Variants in AFF1 observed in about 807,000 individuals in gnomAD.
AFF1 encodes ALF transcription elongation factor 1, also known as AF4/FMR2 family member 1.
In AFF1, 48 loss-of-function variants were observed where a neutral mutation model predicts 121.7. The ratio of observed to expected loss-of-function variants is 0.39; its 90% CI spans 0.31 to 0.50. AFF1 has a LOEUF of 0.50. Among genes scored for constraint, AFF1 ranks in the 20% least tolerant of loss-of-function variants. AFF1 has a pLI of 0.76. For missense variants in AFF1, 1,523 were observed against 1,511.7 expected (o/e 1.01, Z -0.12); for synonymous variants, 613 against 563.0 (o/e 1.09, Z -1.26).
At chr4:87,096,389 G>A (rs1389326481) in intron 8 of AFF1, among the ~76,000 whole-genome samples, 7 of 124,770 alleles carry the variant, frequency 5.6e-5, no homozygotes, top group Non-Finnish European at 9.8e-5. Flanking sequence ...GACACACCCG[G>A]CTTTTTTTTT....
intron 13 of AFF1, 23 bp from the exon 14 acceptor site, chr4:87,126,076 T>A: frequency 6.2e-7 from 1 of 1,610,476 alleles, no homozygotes; most frequent in Non-Finnish European, 8.5e-7. Context: ...CTCCTCTTAG[T>A]TTTACGTGAT....
In AFF1 at chr4:87,137,696, G is replaced by C. The variant is rs897331318; in HGVS notation, c.*1995G>C. 1 of 232,606 alleles carries C rather than the reference G, an allele frequency of 4.3e-6. No individual in the cohort carries two copies. The highest frequency in any genetic ancestry group is 8.5e-6 in the Non-Finnish European group (1 of 117,716). 14.4% of individuals were successfully genotyped at this position (232,606 alleles called of 1,614,324 possible). On this transcript the variant is annotated 3_prime_UTR_variant, in exon 21 of 21. Coordinates refer to ENST00000395146, the MANE Select transcript of AFF1 (RefSeq NM_001166693.3). ...AGTAATTGCCTGGTAGGTTTGGTGT[G>C]TGTGTAGCATTGTGTGTCCATCTGT... is the stretch of plus-strand genomic sequence containing the variant.
chr4:87,027,655 A>G (rs1728652692), intron 2 of AFF1, among the ~76,000 whole-genome samples: 1 of 152,190 alleles, frequency 6.6e-6, no homozygotes, highest in African/African-American at 2.4e-5. Flanking sequence ...ATTTTCAAAC[A>G]TTCAGAAAAG....
Position 87,114,742 on chromosome 4 carries a change from C to T in AFF1, c.1909C>T (p.Leu637Phe). The T allele has an allele frequency of 1.2e-6, 2 of 1,613,908 alleles. No individual in the cohort carries two copies. The highest frequency in any genetic ancestry group is 1.7e-6 in the Non-Finnish European group (2 of 1,179,958). The change falls in exon 12 of 21, where the codon CTT (leucine) becomes TTT (phenylalanine). Residue 637 changes from leucine to phenylalanine, a missense_variant. By Grantham distance (22) the Leu-to-Phe change is conservative. Transcript: ENST00000395146. The part of the protein sequence containing the change: ...SLQGEREPGL[L>F]PYGSRDQTSK... ...GCAGGGGGAAAGGGAGCCAGGGCTT[C>T]TTCCCTATGGCTCCCGAGACCAGAC...
At chr4:87,009,967 A>G (rs1188023427) in intron 2 of AFF1, among the ~76,000 whole-genome samples, 1 of 152,192 alleles carries the variant, frequency 6.6e-6, no homozygotes, top group Non-Finnish European at 1.5e-5. Context: ...TTCATTGTTT[A>G]GTTTGATTCC....
At chr4:87,018,600 C>T (rs1167832700) in intron 2 of AFF1, among the ~76,000 whole-genome samples, 1 of 152,142 alleles carries the variant, frequency 6.6e-6, no homozygotes, top group African/African-American at 2.4e-5. Flanking sequence ...ACTGCAACCT[C>T]CAAGGATGGC....
intron 8 of AFF1, among the ~76,000 whole-genome samples, chr4:87,095,953 AG>A (rs1489991884): frequency 6.7e-6 from 1 of 150,086 alleles, no homozygotes; most frequent in Non-Finnish European, 1.5e-5. Flanking sequence ...CTTTAGTTTT[AG>A]GCACAATATT....
intron 2 of AFF1, among the ~76,000 whole-genome samples, chr4:87,029,864 G>C (rs1197147859): frequency 6.6e-6 from 1 of 152,186 alleles, no homozygotes; most frequent in Non-Finnish European, 1.5e-5. Context: ...TGGAGATGGG[G>C]AAGAGTCCTG....
At chr4:87,001,454 G>A (rs1456727175) in intron 2 of AFF1, among the ~76,000 whole-genome samples, 1 of 151,984 alleles carries the variant, frequency 6.6e-6, no homozygotes, top group East Asian at 1.9e-4. Flanking sequence ...CTGACCTCGT[G>A]ATCCACCCGC....
At chr4:87,060,283 G>A (rs1289597790) in intron 4 of AFF1, among the ~76,000 whole-genome samples, 5 of 152,098 alleles carry the variant, frequency 3.3e-5, no homozygotes, top group Admixed American at 3.3e-4. Flanking sequence ...ATAAAAGTTG[G>A]AAGTTTTATG....
intron 4 of AFF1, among the ~76,000 whole-genome samples, chr4:87,057,637 G>C (rs1350830291): frequency 6.6e-6 from 1 of 152,150 alleles, no homozygotes; most frequent in Non-Finnish European, 1.5e-5. Context: ...GGGAATTAGT[G>C]ATGTTGGGGA....
At chr4:87,068,601 A>G (rs1204744916) in intron 4 of AFF1, among the ~76,000 whole-genome samples, 2 of 152,370 alleles carry the variant, frequency 1.3e-5, no homozygotes, top group South Asian at 2.1e-4. Context: ...AACTACGCAC[A>G]TGGTGCTTTG....
intron 2 of AFF1, among the ~76,000 whole-genome samples, chr4:86,951,682 G>A (rs748241692): frequency 7.3e-6 from 1 of 137,186 alleles, no homozygotes; most frequent in African/African-American, 2.9e-5. Flanking sequence ...AAGTGCAGTG[G>A]CATGATCTTG....
chr4:87,063,643 T>C lies in AFF1; in HGVS notation c.1059+16049T>C, dbSNP rs114110109. On this transcript the variant is annotated intron_variant, in intron 4 of 20. Coordinates refer to ENST00000395146, the MANE Select transcript of AFF1 (RefSeq NM_001166693.3). ...TATGAGTGGGAAATAATGTTTCTAA[T>C]GGACAGAGCTATGGAGTTAGAATGC... 3.8e-3 allele frequency among the ~76,000 whole-genome samples: 576 copies of C among 152,300 alleles called. 3 individuals carry two copies. Among genetic ancestry groups the C allele is most frequent in the African/African-American group, 0.013 (523 of 41,546 alleles).
chr4:87,061,052 A>T (rs750095670), intron 4 of AFF1, among the ~76,000 whole-genome samples: 6 of 152,060 alleles, frequency 3.9e-5, no homozygotes, highest in Non-Finnish European at 8.8e-5. Flanking sequence ...AAGGGAAAAC[A>T]CTGGTCTGTT....
At chr4:87,010,989 G>T (rs1046371069) in intron 2 of AFF1, among the ~76,000 whole-genome samples, 1 of 149,102 alleles carries the variant, frequency 6.7e-6, no homozygotes, top group Admixed American at 6.8e-5. Context: ...GGAGGCAGGA[G>T]AATGGCGTGA....
At chr4:87,094,810 G>A in intron 7 of AFF1, 105 bp from the exon 8 acceptor site, 1 of 949,086 alleles carries the variant, frequency 1.1e-6, no homozygotes, top group East Asian at 2.5e-5. Context: ...TGTACCAAGT[G>A]CAGTGTGTTT....
At chr4:87,027,531 A>G (rs1466198097) in intron 2 of AFF1, among the ~76,000 whole-genome samples, 3 of 152,318 alleles carry the variant, frequency 2.0e-5, no homozygotes, top group African/African-American at 7.2e-5. Context: ...TAAATACCCT[A>G]GAGGAGAGAG....
rs183240140 is a variant in AFF1 at position 87,041,165 on chromosome 4, C to T, written c.39-5001C>T. On this transcript the variant is annotated intron_variant, in intron 2 of 20. Coordinates refer to ENST00000395146, the MANE Select transcript of AFF1 (RefSeq NM_001166693.3). ...TTGCTGAGATTACAGGCGTGAGCCACCCCACCTGGCCGCAAGTCAATCTCT... is the reference window on the plus strand; with the variant it reads ...TTGCTGAGATTACAGGCGTGAGCCATCCCACCTGGCCGCAAGTCAATCTCT... 2.0e-5 allele frequency among the ~76,000 whole-genome samples: 3 copies of T among 152,246 alleles called. No homozygotes were observed. The East Asian group carries it at 5.8e-4, about 29-fold the overall frequency.
Sources: gnomAD v4.1 joint callset for allele counts (sites outside exome capture counted in the v4.1 genomes callset) on GRCh38, gnomAD v4.1.1 for gene constraint, MANE v1.5 for transcripts, NCBI Gene and HGNC (gene_info 2026-07-23, HGNC 2026-07-21) for gene names.